CNTNAP4: variants seen among roughly 807,000 people sequenced by gnomAD.
The protein encoded by CNTNAP4 is contactin-associated protein-like 4.
In CNTNAP4, 98 loss-of-function variants were observed where a neutral mutation model predicts 148.4. The observed-to-expected ratio is 0.66, with a 90% CI of 0.56 to 0.78. The LOEUF is 0.78. Ranked by LOEUF, CNTNAP4 falls within the 30% of genes least tolerant of loss-of-function variation. The pLI is 0.00. For missense variants in CNTNAP4, 1,935 were observed against 1,565.6 expected (o/e 1.24, Z -3.98); for synonymous variants, 730 against 565.1 (o/e 1.29, Z -4.14).
chr16:76,448,185 A>G lies in CNTNAP4; in HGVS notation c.712A>G (p.Arg238Gly). Residue 238 changes from arginine to glycine, a missense_variant, in exon 5 of 24, where the codon AGA (arginine) becomes GGA (glycine). Transcript: ENST00000611870. ...AGATCACATCACACTGCAATTAAGAAGAGCAAGACTCTTTTTACTTATTAA... is the reference window on the plus strand; with the variant it reads ...AGATCACATCACACTGCAATTAAGAGGAGCAAGACTCTTTTTACTTATTAA... ...NGDHITLQLR[R>G]ARLFLLINSG... 1.2e-6 allele frequency: 2 copies of G among 1,613,082 alleles called. No homozygotes were observed. The highest frequency in any genetic ancestry group is 1.7e-6 in the Non-Finnish European group (2 of 1,179,282).
At chr16:76,400,243 G>C (rs1286470930) in intron 3 of CNTNAP4, among the ~76,000 whole-genome samples, 1 of 152,104 alleles carries the variant, frequency 6.6e-6, no homozygotes, top group Non-Finnish European at 1.5e-5. Context: ...GCAATGTGAT[G>C]TTTTGATACT....
intron 3 of CNTNAP4, among the ~76,000 whole-genome samples, chr16:76,425,225 C>G (rs2079342330): frequency 6.6e-6 from 1 of 152,096 alleles, no homozygotes; most frequent in Non-Finnish European, 1.5e-5. Context: ...CAGAGGGGAG[C>G]AGTTTTCTGG....
chr16:76,355,426 G>A lies in CNTNAP4; in HGVS notation c.305G>A (p.Ser102Asn), dbSNP rs1490029052. The A allele has an allele frequency of 6.2e-7, 1 of 1,613,246 alleles. No homozygotes were observed. Among genetic ancestry groups the A allele is most frequent in the South Asian group, 1.1e-5 (1 of 91,026 alleles). ...TAVATQGGYG[S>N]SNWVTSYLLM... is the part of the protein sequence containing the mutation. The stretch of plus-strand genomic sequence containing the variant: ...GTGGCCACTCAAGGGGGATATGGTA[G>A]CTCCAACTGGGTGACCAGCTACCTC... The change falls in exon 3 of 24, where the codon AGC becomes AAC. Residue 102 changes from serine (S) to asparagine (N), a missense_variant. Ser to Asn is a conservative substitution (Grantham distance 46). Transcript: ENST00000611870.
chr16:76,360,481 C>G lies in CNTNAP4; in HGVS notation c.390+4970C>G, dbSNP rs148975886. On this transcript the variant is annotated intron_variant, in intron 3 of 23. Coordinates refer to ENST00000611870, the MANE Select transcript of CNTNAP4 (RefSeq NM_033401.5). ...TCTCCTCCTTGTGAGTGGCATTTTT[C>G]CTTCCTTATGTTGAGCCCTTATTCT... 1.8e-4 allele frequency among the ~76,000 whole-genome samples: 27 copies of G among 152,270 alleles called. No homozygotes were observed. In the East Asian group the frequency reaches 5.2e-3, roughly 29 times the overall value.
intron 3 of CNTNAP4, among the ~76,000 whole-genome samples, chr16:76,361,862 A>G (rs890129225): frequency 6.6e-6 from 1 of 152,190 alleles, no homozygotes; most frequent in African/African-American, 2.4e-5. Context: ...AATGACAGAT[A>G]TCCTAACAGG....
intron 21 of CNTNAP4, among the ~76,000 whole-genome samples, chr16:76,552,322 GAC>G (rs1207471214): frequency 1.3e-5 from 2 of 152,094 alleles, no homozygotes; most frequent in Non-Finnish European, 2.9e-5. Context: ...TTTGGATGGG[GAC>G]ACAGAGCCAA....
chr16:76,477,889 G>A (rs8059313), intron 11 of CNTNAP4, among the ~76,000 whole-genome samples: 149,876 of 152,326 alleles, frequency 0.98, 73,773 homozygotes, highest in East Asian at 1. Flanking sequence ...CAAAAATTAG[G>A]TAATAAATAA....
intron 12 of CNTNAP4, among the ~76,000 whole-genome samples, chr16:76,483,420 C>T (rs1472932921): frequency 6.6e-6 from 1 of 152,140 alleles, no homozygotes; most frequent in Non-Finnish European, 1.5e-5. Context: ...TCTCATTCAC[C>T]AATCAATACA....
intron 4 of CNTNAP4, among the ~76,000 whole-genome samples, chr16:76,429,725 C>G (rs1002722186): frequency 6.6e-6 from 1 of 152,084 alleles, no homozygotes. Flanking sequence ...TAACTCAAAC[C>G]TCCCCCTCAC....
intron 15 of CNTNAP4, among the ~76,000 whole-genome samples, chr16:76,515,443 T>C (rs959843680): frequency 1.4e-4 from 22 of 152,154 alleles, no homozygotes; most frequent in African/African-American, 5.3e-4. Context: ...CCCCACTCTC[T>C]GTGCTGACTC....
chr16:76,473,265 T>G (rs553800980), intron 10 of CNTNAP4, among the ~76,000 whole-genome samples: 1 of 152,200 alleles, frequency 6.6e-6, no homozygotes, highest in African/African-American at 2.4e-5. Flanking sequence ...AAAGTAGCAT[T>G]TCTTTATGAT....
rs755111337 is a variant in CNTNAP4, at chr16:76,479,412, C to A, written c.1763-7C>A. On this transcript the variant is annotated splice_polypyrimidine_tract_variant and splice_region_variant and intron_variant, in intron 11 of 23. Coordinates refer to ENST00000611870, the MANE Select transcript of CNTNAP4 (RefSeq NM_033401.5). Reference sequence around the variant, plus strand: ...TATTCCATTAATGATGATTTTTTTTCTTAAAGCTATCTATGAGCAGTCATG... The same window carrying A: ...TATTCCATTAATGATGATTTTTTTTATTAAAGCTATCTATGAGCAGTCATG... The A allele has an allele frequency of 6.4e-7, 1 of 1,563,528 alleles. No individual in the cohort carries two copies. Among genetic ancestry groups the A allele is most frequent in the Non-Finnish European group, 8.6e-7 (1 of 1,156,822 alleles).
chr16:76,365,882 C>G (rs17766856), intron 3 of CNTNAP4, among the ~76,000 whole-genome samples: 21,367 of 151,240 alleles, frequency 0.14, 2,123 homozygotes, highest in East Asian at 0.48. Context: ...TAAATAACTA[C>G]ATGGACAATG....
intron 3 of CNTNAP4, among the ~76,000 whole-genome samples, chr16:76,416,703 C>T (rs966991222): frequency 6.6e-6 from 1 of 151,280 alleles, no homozygotes; most frequent in African/African-American, 2.4e-5. Context: ...AGTGTGTCTG[C>T]TGTTGTTGGG....
At chr16:76,302,476 A>G (rs1437336394) in intron 1 of CNTNAP4, among the ~76,000 whole-genome samples, 1 of 152,070 alleles carries the variant, frequency 6.6e-6, no homozygotes, top group Non-Finnish European at 1.5e-5. Context: ...GACCCTTTCT[A>G]TAACACGGTG....
intron 14 of CNTNAP4, among the ~76,000 whole-genome samples, chr16:76,497,578 A>G (rs2082444060): frequency 6.6e-6 from 1 of 152,018 alleles, no homozygotes; most frequent in South Asian, 2.1e-4. Context: ...CATCATTCTC[A>G]GCAAAATAAC....
chr16:76,495,222 C>T lies in CNTNAP4; in HGVS notation c.2237+156C>T, dbSNP rs562424685. 8.3e-5 allele frequency: 62 copies of T among 743,102 alleles called. 1 individual carries two copies. The highest frequency in any genetic ancestry group is 8.2e-4 in the African/African-American group (46 of 56,314). 46.0% of individuals were successfully genotyped at this position (743,102 alleles called of 1,614,324 possible). ...TGAAACGTGGTGTAGTCAATATAAT[C>T]GTTAGTATTAAGTCAATGCCTTTTT... On this transcript the variant is annotated intron_variant, in intron 14 of 23. Coordinates refer to ENST00000611870, the MANE Select transcript of CNTNAP4 (RefSeq NM_033401.5).
intron 3 of CNTNAP4, among the ~76,000 whole-genome samples, chr16:76,426,354 A>T (rs1465650269): frequency 6.6e-6 from 1 of 152,122 alleles, no homozygotes; most frequent in Non-Finnish European, 1.5e-5. Context: ...CATGAGGTTG[A>T]TCTTATTTGT....
intron 2 of CNTNAP4, among the ~76,000 whole-genome samples, chr16:76,340,578 C>G (rs749521125): frequency 6.6e-6 from 1 of 152,112 alleles, no homozygotes; most frequent in Non-Finnish European, 1.5e-5. Flanking sequence ...TCACCAAGTC[C>G]TGCCAATTCT....
Sources: allele counts gnomAD v4.1 joint callset (sites outside exome capture counted in the v4.1 genomes callset), GRCh38; gene constraint gnomAD v4.1.1; transcripts MANE v1.5; gene names NCBI Gene and HGNC (gene_info 2026-07-23, HGNC 2026-07-21).